Variants in RREB1 observed in about 807,000 individuals in gnomAD.
RREB1 encodes the protein ras-responsive element-binding protein 1.
In RREB1, 27 loss-of-function variants were observed where a neutral mutation model predicts 117.8. The observed-to-expected ratio is 0.23, with a 90% confidence interval of 0.17 to 0.32. The LOEUF (loss-of-function observed/expected upper bound fraction) is 0.32, where lower values mean the gene tolerates loss of function less well. RREB1 is among the 10% of genes least tolerant of loss of function. The probability of loss-of-function intolerance (pLI) is 1.00; values close to 1 mark genes in which losing one functional copy is unlikely to be tolerated. For missense variants in RREB1, 2,577 were observed against 2,378.2 expected (o/e 1.08, Z -1.74); for synonymous variants, 1,298 against 1,026.7 (o/e 1.26, Z -5.05).
intron 1 of RREB1, among the ~76,000 whole-genome samples, chr6:7,163,230 C>T (rs1223848575): frequency 6.6e-6 from 1 of 152,114 alleles, no homozygotes; most frequent in Non-Finnish European, 1.5e-5. Flanking sequence ...TTTGTATAAT[C>T]TGTTGAGCCT....
At chr6:7,129,095 T>TGG (rs1405113390) in intron 1 of RREB1, among the ~76,000 whole-genome samples, 1 of 152,216 alleles carries the variant, frequency 6.6e-6, no homozygotes, top group African/African-American at 2.4e-5. Context: ...TTCTTGCCTT[T>TGG]GGGGAGTTGA....
chr6:7,152,296 C>G (rs1180254443), intron 1 of RREB1, among the ~76,000 whole-genome samples: 1 of 152,178 alleles, frequency 6.6e-6, no homozygotes, highest in Non-Finnish European at 1.5e-5. Flanking sequence ...CTTTCTTGGT[C>G]TCTCTAATTT....
At chr6:7,128,197 C>T (rs964296316) in intron 1 of RREB1, among the ~76,000 whole-genome samples, 1 of 152,168 alleles carries the variant, frequency 6.6e-6, no homozygotes, top group Non-Finnish European at 1.5e-5. Context: ...AGAACACATA[C>T]CTCAATCATT....
chr6:7,247,680 C>T (rs942745752), intron 12 of RREB1, among the ~76,000 whole-genome samples: 6 of 152,138 alleles, frequency 3.9e-5, no homozygotes, highest in Non-Finnish European at 8.8e-5. Context: ...GGGCCTTTTC[C>T]TTTCTTAGCC....
chr6:7,218,373 T>G (rs1348007431), intron 8 of RREB1: 1 of 152,212 alleles, frequency 6.6e-6, no homozygotes, highest in Non-Finnish European at 1.5e-5. Flanking sequence ...TTTGTTGACT[T>G]TGGGATTTTC....
chr6:7,229,306 G>A lies in RREB1; in HGVS notation c.1207G>A (p.Asp403Asn). ...GACACTCAAGTGTCAGCTACCTCAG[G>A]ACCCCGGCTGCACCAACCTGCTGAG... is the stretch of plus-strand genomic sequence containing the variant. ...LQTLKCQLPQ[D>N]PGCTNLLSLS... Residue 403 changes from aspartate (D) to asparagine (N), a missense_variant, in exon 10 of 13, where the codon GAC (aspartate) becomes AAC (asparagine). Coordinates refer to ENST00000379938, the MANE Select transcript of RREB1 (RefSeq NM_001003699.4). This position sits in a 1 kb window ranked among gnomAD's most constrained non-coding sequence, Gnocchi z 4.5. 1 of 1,614,118 alleles carries A rather than the reference G, an allele frequency of 6.2e-7. No homozygotes were observed. Among genetic ancestry groups the A allele is most frequent in the South Asian group, 1.1e-5 (1 of 91,078 alleles).
intron 1 of RREB1, among the ~76,000 whole-genome samples, chr6:7,118,047 A>G (rs563059673): frequency 6.6e-6 from 1 of 152,380 alleles, no homozygotes; most frequent in African/African-American, 2.4e-5. Flanking sequence ...TGGCAGATAC[A>G]TTCAGATATA....
Position 7,198,486 on chromosome 6 carries a change from C to G in RREB1, c.425+9164C>G, listed in dbSNP as rs116565120. On this transcript the variant is annotated intron_variant, in intron 6 of 12. Coordinates refer to ENST00000379938, the MANE Select transcript of RREB1 (RefSeq NM_001003699.4). Reference sequence around the variant, plus strand: ...ATGTCCTTCAGGGATGCTCAGAGATCTTAACACATTTAACTCCACTTAGAA... The same window carrying G: ...ATGTCCTTCAGGGATGCTCAGAGATGTTAACACATTTAACTCCACTTAGAA... Among the ~76,000 whole-genome samples, 721 of 152,330 alleles carry G rather than the reference C, an allele frequency of 4.7e-3. 6 individuals carry two copies. The highest frequency in any genetic ancestry group is 0.016 in the African/African-American group (682 of 41,562).
chr6:7,235,046 A>G (rs1272422006), intron 10 of RREB1, among the ~76,000 whole-genome samples: 1 of 152,242 alleles, frequency 6.6e-6, no homozygotes, highest in East Asian at 1.9e-4. Context: ...TTCAGACTTA[A>G]TGACTACAGA....
chr6:7,248,952 T>A lies in RREB1; in HGVS notation c.5213T>A (p.Leu1738His), dbSNP rs1061630. 6.7e-6 allele frequency: 10 copies of A among 1,487,816 alleles called. No homozygotes were observed. The highest frequency in any genetic ancestry group is 8.9e-6 in the Non-Finnish European group (10 of 1,121,944). 92.2% of individuals were successfully genotyped at this position (1,487,816 alleles called of 1,614,324 possible). The change falls in exon 13 of 13, where the codon CTC (leucine) becomes CAC (histidine). Residue 1738 changes from leucine to histidine, a missense_variant. Coordinates refer to ENST00000379938, the MANE Select transcript of RREB1 (RefSeq NM_001003699.4). ...GCCACAGCTGATGGCGCCTCCCAGC[T>A]CGTGGGGATGGAGTGACAGCCTCAG... The part of the protein sequence containing the change: ...ILATADGASQ[L>H]VGME
intron 9 of RREB1, among the ~76,000 whole-genome samples, chr6:7,227,539 T>C (rs1370123254): frequency 8.2e-6 from 1 of 122,204 alleles, no homozygotes; most frequent in Non-Finnish European, 1.6e-5. Flanking sequence ...AGACTCCGTC[T>C]AAGAAAAAAA....
intron 8 of RREB1, chr6:7,212,145 G>T (rs1362024376): frequency 5.8e-6 from 1 of 172,308 alleles, no homozygotes; most frequent in Admixed American, 5.7e-5. Flanking sequence ...TAGGCACTCC[G>T]AAGTGTTTGA....
At chr6:7,134,239 T>A (rs1260110535) in intron 1 of RREB1, among the ~76,000 whole-genome samples, 1 of 152,232 alleles carries the variant, frequency 6.6e-6, no homozygotes. Context: ...TATTTTTGGA[T>A]AGCATGTGAT....
At chr6:7,217,398 GT>G (rs1766964783) in intron 8 of RREB1, 1 of 152,226 alleles carries the variant, frequency 6.6e-6, no homozygotes, top group East Asian at 1.9e-4. Flanking sequence ...TATTTCGCAG[GT>G]TCTTCTGATG....
At chr6:7,151,474 C>T (rs1363222293) in intron 1 of RREB1, among the ~76,000 whole-genome samples, 1 of 152,214 alleles carries the variant, frequency 6.6e-6, no homozygotes, top group East Asian at 1.9e-4. Flanking sequence ...CTATGGAGTC[C>T]ACGCAGAACA....
At chr6:7,202,554 A>G (rs1766045229) in intron 6 of RREB1, among the ~76,000 whole-genome samples, 1 of 152,120 alleles carries the variant, frequency 6.6e-6, no homozygotes, top group Non-Finnish European at 1.5e-5. Context: ...TGGGCTCTTG[A>G]GATCACTTTG....
intron 6 of RREB1, among the ~76,000 whole-genome samples, chr6:7,194,934 A>G (rs1765593911): frequency 6.6e-6 from 1 of 152,194 alleles, no homozygotes. Context: ...TAATTACTTC[A>G]TCTGTAAAAG....
chr6:7,118,796 T>A lies in RREB1; in HGVS notation c.-285+10736T>A, dbSNP rs578226268. Among the ~76,000 whole-genome samples the A allele has an allele frequency of 4.3e-3, 594 of 137,340 alleles. 3 individuals are homozygous for A. The highest frequency in any genetic ancestry group is 0.015 in the Middle Eastern group (4 of 270). The allele number at this position is 137,340 out of a possible 152,430, so 90.1% of individuals were successfully genotyped here. A position where few individuals can be genotyped will look rare whatever the true frequency, so the allele number is the denominator to read the frequency against. ...AAATTTGCCAATCCCATGGTGTTTTTTTTAATTTTTTTTTTTTTTTTTTTT... is the reference window on the plus strand; with the variant it reads ...AAATTTGCCAATCCCATGGTGTTTTATTTAATTTTTTTTTTTTTTTTTTTT... On this transcript the variant is annotated intron_variant, in intron 1 of 12. Transcript: ENST00000379938.
chr6:7,221,748 A>G (rs984878368), intron 8 of RREB1, among the ~76,000 whole-genome samples: 2 of 152,186 alleles, frequency 1.3e-5, no homozygotes, highest in Non-Finnish European at 2.9e-5. Context: ...GACTGGCCAG[A>G]AAGAACACTT....
Sources: allele counts gnomAD v4.1 joint callset (sites outside exome capture counted in the v4.1 genomes callset), GRCh38; gene constraint gnomAD v4.1.1; non-coding constraint Gnocchi (gnomAD v3.1); transcripts MANE v1.5; gene names NCBI Gene and HGNC (gene_info 2026-07-23, HGNC 2026-07-21).